GNG7: variants seen among roughly 807,000 people sequenced by gnomAD.
GNG7 encodes the protein guanine nucleotide-binding protein G(I)/G(S)/G(O) subunit gamma-7.
Under a neutral mutation model 4.0 loss-of-function variants are expected in GNG7, and 1 was observed. The observed-to-expected ratio is 0.25, with a 90% CI of 0.09 to 1.18. The LOEUF is 1.18. Ranked by LOEUF, GNG7 falls within the 50% of genes most tolerant of loss-of-function variation. GNG7 has a pLI of 0.50. For missense variants in GNG7, 86 were observed against 91.9 expected (o/e 0.94, Z 0.26); for synonymous variants, 34 against 36.9 (o/e 0.92, Z 0.29).
chr19:2,609,047 G>A lies in GNG7; in HGVS notation c.-78+37177C>T, dbSNP rs1981481095. The stretch of plus-strand genomic sequence containing the variant: ...CTCTCTCTCTCTTTTTTTGTTTTGA[G>A]ACAGGGTCTCACTCCATCTTCCAGG... On this transcript the variant is annotated intron_variant, in intron 2 of 4. Transcript: ENST00000382159. The surrounding 1 kb of genome is among the most constrained non-coding windows in gnomAD (Gnocchi z 4.4). Among the ~76,000 whole-genome samples, 1 of 151,410 alleles carries A rather than the reference G, an allele frequency of 6.6e-6. No individual in the cohort carries two copies. Among genetic ancestry groups the A allele is most frequent in the Non-Finnish European group, 1.5e-5 (1 of 67,896 alleles).
At chr19:2,575,850 C>T (rs1201313994) in intron 2 of GNG7, among the ~76,000 whole-genome samples, 1 of 150,044 alleles carries the variant, frequency 6.7e-6, no homozygotes. Context: ...CACACGCAGA[C>T]ACGCAGGCAC....
Position 2,611,672 on chromosome 19 carries a change from A to G in GNG7, c.-78+34552T>C, listed in dbSNP as rs996797939. 3 of 149,480 alleles carry G rather than the reference A, an allele frequency of 2.0e-5. No individual in the cohort carries two copies. The highest frequency in any genetic ancestry group is 3.9e-4 in the East Asian group (2 of 5,138). The allele number at this position is 149,480 out of a possible 1,614,324, so 9.3% of individuals were successfully genotyped here. A position where few individuals can be genotyped will look rare whatever the true frequency, so the allele number is the denominator to read the frequency against. Reference sequence around the variant, plus strand: ...GCCAAGAGAGCAACACCAGGTCTCTACAAAAAATTAAAAATTAGCCGGGCA... The same window carrying G: ...GCCAAGAGAGCAACACCAGGTCTCTGCAAAAAATTAAAAATTAGCCGGGCA... On this transcript the variant is annotated intron_variant, in intron 2 of 4. Transcript: ENST00000382159. The surrounding 1 kb of genome is among the most constrained non-coding windows in gnomAD (Gnocchi z 6.0).
chr19:2,646,551 G>C (rs569202444), intron 1 of GNG7, among the ~76,000 whole-genome samples: 1 of 152,120 alleles, frequency 6.6e-6, no homozygotes, highest in Admixed American at 6.5e-5. Flanking sequence ...CCAACGTGGT[G>C]GTGGGTGCCT....
chr19:2,620,236 G>A (rs1236371141), intron 2 of GNG7, among the ~76,000 whole-genome samples: 1 of 107,052 alleles, frequency 9.3e-6, no homozygotes, highest in African/African-American at 3.7e-5. Context: ...AGAGGGGAGG[G>A]GAGGGGAGGG....
intron 2 of GNG7, among the ~76,000 whole-genome samples, chr19:2,581,203 C>T (rs72974901): frequency 0.038 from 5,733 of 152,014 alleles, 159 homozygotes; most frequent in Non-Finnish European, 0.062. Context: ...CGCCGCAGGC[C>T]CAGCCTGAAA....
intron 1 of GNG7, among the ~76,000 whole-genome samples, chr19:2,648,135 T>A (rs1982717201): frequency 6.6e-6 from 1 of 151,238 alleles, no homozygotes; most frequent in East Asian, 1.9e-4. Context: ...AGAGTGAAAT[T>A]TAGCTTATAG....
chr19:2,542,537 G>A (rs1267677847), intron 3 of GNG7, among the ~76,000 whole-genome samples: 1 of 152,158 alleles, frequency 6.6e-6, no homozygotes, highest in Non-Finnish European at 1.5e-5. Context: ...AGCTGGGGAC[G>A]ACAACTGGAA....
intron 1 of GNG7, among the ~76,000 whole-genome samples, chr19:2,672,491 G>C (rs1344881656): frequency 1.3e-5 from 2 of 150,362 alleles, no homozygotes; most frequent in Admixed American, 1.3e-4. Context: ...CTGTCATCCA[G>C]GCTGGAGTGC....
At chr19:2,688,087 C>T (rs1204787789) in intron 1 of GNG7, among the ~76,000 whole-genome samples, 1 of 151,828 alleles carries the variant, frequency 6.6e-6, no homozygotes, top group African/African-American at 2.4e-5. Context: ...CCCGTCCCTA[C>T]TAAAAATAAC....
intron 2 of GNG7, among the ~76,000 whole-genome samples, chr19:2,561,038 G>A (rs1051419211): frequency 1.3e-5 from 2 of 152,106 alleles, no homozygotes; most frequent in Admixed American, 1.3e-4. Context: ...GCTCCCGATG[G>A]GGCAGACGGT....
At chr19:2,572,370 C>T (rs140533161) in intron 2 of GNG7, among the ~76,000 whole-genome samples, 8 of 152,142 alleles carry the variant, frequency 5.3e-5, no homozygotes, top group African/African-American at 1.7e-4. Context: ...CTAGGCTGGT[C>T]GAGCAAGTTT....
chr19:2,550,652 C>A (rs1979287729), intron 3 of GNG7, among the ~76,000 whole-genome samples: 1 of 152,164 alleles, frequency 6.6e-6, no homozygotes, highest in Non-Finnish European at 1.5e-5. Context: ...GCCTGAGGGA[C>A]CACCAGCTGC....
At chr19:2,515,513 C>T (rs1439097674) in intron 4 of GNG7, among the ~76,000 whole-genome samples, 1 of 151,932 alleles carries the variant, frequency 6.6e-6, no homozygotes, top group Non-Finnish European at 1.5e-5. Context: ...CTGCAACCTC[C>T]ACCTCGCGGG....
At chr19:2,605,225 T>C (rs904068758) in intron 2 of GNG7, among the ~76,000 whole-genome samples, 3 of 152,110 alleles carry the variant, frequency 2.0e-5, no homozygotes, top group Admixed American at 1.3e-4. Context: ...TGAGACAAGG[T>C]CTCTCTCTGT....
rs535687135 is a variant in GNG7 at position 2,635,875 on chromosome 19, G to A, written c.-78+10349C>T. Among the ~76,000 whole-genome samples the A allele has an allele frequency of 7.2e-5, 11 of 152,250 alleles. No individual in the cohort carries two copies. The South Asian group carries it at 2.3e-3, about 32-fold the overall frequency. ...TGGGATTACAGGTGTGAGCCACCGT[G>A]CCTGGCCAACTTGGGGTGATTCTGT... On this transcript the variant is annotated intron_variant, in intron 2 of 4. Transcript: ENST00000382159.
At chr19:2,661,292 A>AAGAG (rs1479449694) in intron 1 of GNG7, among the ~76,000 whole-genome samples, 1 of 37,828 alleles carries the variant, frequency 2.6e-5, no homozygotes, top group South Asian at 9.9e-4. Context: ...GAAAGAAAGA[A>AAGAG]AGAAAGAAAG....
chr19:2,540,332 G>C (rs969927530), intron 3 of GNG7, among the ~76,000 whole-genome samples: 3 of 151,696 alleles, frequency 2.0e-5, no homozygotes. Context: ...TTAATTTTTT[G>C]TAGAGATGGG....
intron 2 of GNG7, among the ~76,000 whole-genome samples, chr19:2,559,513 G>A (rs907030654): frequency 2.6e-5 from 4 of 151,448 alleles, no homozygotes; most frequent in Non-Finnish European, 4.4e-5. Context: ...CACCATGTCC[G>A]GCTAATTTTT....
intron 2 of GNG7, among the ~76,000 whole-genome samples, chr19:2,630,021 GT>G (rs113883059): frequency 0.063 from 9,127 of 144,998 alleles, 904 homozygotes; most frequent in African/African-American, 0.22. Context: ...AATAAAGGTT[GT>G]TTTTTTTTTT....
Sources: allele counts gnomAD v4.1 joint callset (sites outside exome capture counted in the v4.1 genomes callset), GRCh38; gene constraint gnomAD v4.1.1; non-coding constraint Gnocchi (gnomAD v3.1); transcripts MANE v1.5; gene names NCBI Gene and HGNC (gene_info 2026-07-23, HGNC 2026-07-21).